R3HDM2: variants seen among roughly 807,000 people sequenced by gnomAD.
The protein encoded by R3HDM2 is R3H domain containing 2, also known as R3H domain-containing protein 2.
In R3HDM2, 38 loss-of-function variants were observed where a neutral mutation model predicts 124.5. The ratio of observed to expected loss-of-function variants is 0.31; its 90% CI spans 0.24 to 0.40. The LOEUF (loss-of-function observed/expected upper bound fraction) is 0.40, where lower values mean the gene tolerates loss of function less well. Ranked by LOEUF, R3HDM2 falls within the 10% of genes least tolerant of loss-of-function variation. R3HDM2 has a pLI of 1.00. For missense variants in R3HDM2, 869 were observed against 1,236.9 expected (o/e 0.70, Z 4.46); for synonymous variants, 391 against 448.0 (o/e 0.87, Z 1.61).
intron 2 of R3HDM2, among the ~76,000 whole-genome samples, chr12:57,368,363 C>T (rs556629639): frequency 6.6e-6 from 1 of 152,212 alleles, no homozygotes; most frequent in South Asian, 2.1e-4. Flanking sequence ...TAACCTTGCC[C>T]AAAGAGAGGT....
intron 11 of R3HDM2, among the ~76,000 whole-genome samples, chr12:57,291,653 A>G (rs1049155242): frequency 6.3e-5 from 9 of 142,094 alleles, no homozygotes; most frequent in Admixed American, 4.9e-4. Context: ...AACCCTATCT[A>G]AAAAAAAAAA....
At chr12:57,417,166 G>C (rs1382960274) in intron 1 of R3HDM2, among the ~76,000 whole-genome samples, 1 of 151,748 alleles carries the variant, frequency 6.6e-6, no homozygotes, top group Non-Finnish European at 1.5e-5. Flanking sequence ...CACTTTGGGA[G>C]GCCAAGGTGG....
At position 57,408,736 on chromosome 12, in the gene R3HDM2, A is replaced by T. The variant is rs1023878319; in HGVS notation, c.-105-12918T>A. ...TTTCATAAAAGAGCAAATCTCAAAA[A>T]ATATATATATATTTGAAATATGATG... On this transcript the variant is annotated intron_variant, in intron 1 of 23. Transcript: ENST00000402412. 1.2e-4 allele frequency among the ~76,000 whole-genome samples: 19 copies of T among 152,064 alleles called. 1 individual carries two copies. The highest frequency in any genetic ancestry group is 6.8e-3 in the Middle Eastern group (2 of 292).
chr12:57,328,325 G>C, intron 2 of R3HDM2, among the ~76,000 whole-genome samples: 1 of 152,036 alleles, frequency 6.6e-6, no homozygotes, highest in Non-Finnish European at 1.5e-5. Flanking sequence ...GCCTCTCAAA[G>C]TGCTAGGATT....
chr12:57,275,367 GAAGAT>G (rs145638763), intron 14 of R3HDM2, among the ~76,000 whole-genome samples: 9,500 of 152,124 alleles, frequency 0.062, 399 homozygotes, highest in East Asian at 0.2. Context: ...AAAAATTCTA[GAAGAT>G]AATATATTGG....
intron 2 of R3HDM2, among the ~76,000 whole-genome samples, chr12:57,386,210 G>T (rs1313593789): frequency 6.6e-6 from 1 of 152,174 alleles, no homozygotes; most frequent in Non-Finnish European, 1.5e-5. Flanking sequence ...CCACTTTGGC[G>T]GCACTTGAGG....
chr12:57,335,871 T>A (rs1361316645), intron 2 of R3HDM2, among the ~76,000 whole-genome samples: 1 of 151,762 alleles, frequency 6.6e-6, no homozygotes, highest in Admixed American at 6.6e-5. Context: ...AGTTCCATCA[T>A]CCATAAGGAA....
At position 57,429,488 on chromosome 12, in the gene R3HDM2, C is replaced by T. The variant is rs113415285; in HGVS notation, c.-106+1232G>A. ...GCTCAAGCCTACCACTTTGGGAGGC[C>T]AAGGCAGGTGGATCACTTGAGCCCA... is the stretch of plus-strand genomic sequence containing the variant. On this transcript the variant is annotated intron_variant, in intron 1 of 23. Coordinates refer to ENST00000402412, the MANE Select transcript of R3HDM2 (RefSeq NM_001394031.1). Among the ~76,000 whole-genome samples the T allele has an allele frequency of 6.2e-3, 941 of 151,732 alleles. 6 individuals are homozygous for T. Among genetic ancestry groups the T allele is most frequent in the Non-Finnish European group, 0.011 (720 of 67,896 alleles).
At chr12:57,416,150 G>A (rs2069573206) in intron 1 of R3HDM2, among the ~76,000 whole-genome samples, 1 of 152,092 alleles carries the variant, frequency 6.6e-6, no homozygotes, top group Non-Finnish European at 1.5e-5. Flanking sequence ...CCTGATGTCT[G>A]TAATTTATTT....
At chr12:57,399,506 C>G (rs991647160) in intron 1 of R3HDM2, among the ~76,000 whole-genome samples, 2 of 152,222 alleles carry the variant, frequency 1.3e-5, no homozygotes, top group African/African-American at 2.4e-5. Context: ...CAGCCAACAT[C>G]CATCTTTTGC....
chr12:57,312,855 G>A (rs918718615), intron 2 of R3HDM2, among the ~76,000 whole-genome samples: 1 of 150,158 alleles, frequency 6.7e-6, no homozygotes, highest in African/African-American at 2.5e-5. Context: ...CTTGAACCTC[G>A]GAGGCAGAAG....
At chr12:57,276,086 G>A (rs978181066) in intron 14 of R3HDM2, among the ~76,000 whole-genome samples, 8 of 151,846 alleles carry the variant, frequency 5.3e-5, no homozygotes, top group African/African-American at 1.2e-4. Context: ...GCGTGGTGGC[G>A]GTTGCCTGTA....
At chr12:57,358,179 G>T (rs746926277) in intron 2 of R3HDM2, among the ~76,000 whole-genome samples, 1 of 151,192 alleles carries the variant, frequency 6.6e-6, no homozygotes, top group Non-Finnish European at 1.5e-5. Flanking sequence ...TAGATATGGG[G>T]TTTTGCCATG....
chr12:57,259,983 G>A (rs1343461931), intron 19 of R3HDM2, among the ~76,000 whole-genome samples: 1 of 152,090 alleles, frequency 6.6e-6, no homozygotes, highest in Non-Finnish European at 1.5e-5. Context: ...GCTACTGAAG[G>A]TCGGGCACAG....
At chr12:57,403,391 C>A (rs1221117878) in intron 1 of R3HDM2, among the ~76,000 whole-genome samples, 1 of 152,046 alleles carries the variant, frequency 6.6e-6, no homozygotes, top group African/African-American at 2.4e-5. Flanking sequence ...ACTTGGGAGG[C>A]TGAGGCAGGC....
chr12:57,263,299 G>A (rs969495303), intron 19 of R3HDM2, among the ~76,000 whole-genome samples: 1 of 152,150 alleles, frequency 6.6e-6, no homozygotes, highest in Non-Finnish European at 1.5e-5. Context: ...ACCACCATAG[G>A]CTACAGTGCT....
At chr12:57,422,397 T>C (rs968983997) in intron 1 of R3HDM2, among the ~76,000 whole-genome samples, 1 of 152,196 alleles carries the variant, frequency 6.6e-6, no homozygotes, top group Non-Finnish European at 1.5e-5. Context: ...AAGAATCCCA[T>C]ATGTAGCCTC....
chr12:57,403,215 G>T (rs962829866), intron 1 of R3HDM2, among the ~76,000 whole-genome samples: 1 of 152,018 alleles, frequency 6.6e-6, no homozygotes, highest in Non-Finnish European at 1.5e-5. Flanking sequence ...ACAATTTGCC[G>T]GGTGCTGGTG....
intron 2 of R3HDM2, among the ~76,000 whole-genome samples, chr12:57,369,673 C>A (rs2063083118): frequency 1.3e-5 from 2 of 152,298 alleles, no homozygotes; most frequent in South Asian, 4.1e-4. Flanking sequence ...CTTTCCTACA[C>A]TATTACCCTA....
Sources: allele counts gnomAD v4.1 joint callset (sites outside exome capture counted in the v4.1 genomes callset), GRCh38; gene constraint gnomAD v4.1.1; transcripts MANE v1.5; gene names NCBI Gene and HGNC (gene_info 2026-07-23, HGNC 2026-07-21).